Variants in MNAT1 observed in about 807,000 individuals in gnomAD.
MNAT1 encodes CDK-activating kinase assembly factor MAT1.
MNAT1 carries 43 observed loss-of-function variants against 42.0 expected under a neutral mutation model. The ratio of observed to expected loss-of-function variants is 1.02; its 90% CI spans 0.80 to 1.32. The LOEUF is 1.32. Among genes scored for constraint, MNAT1 ranks in the 40% most tolerant of loss-of-function variants. The pLI, the probability that MNAT1 is intolerant of heterozygous loss-of-function variation, is 0.00. For missense variants in MNAT1, 306 were observed against 350.4 expected (o/e 0.87, Z 1.01); for synonymous variants, 118 against 120.0 (o/e 0.98, Z 0.11).
intron 6 of MNAT1, among the ~76,000 whole-genome samples, chr14:60,877,609 A>G (rs1371765075): frequency 1.3e-5 from 2 of 152,114 alleles, no homozygotes; most frequent in African/African-American, 4.8e-5. Flanking sequence ...AGAATGGTTT[A>G]TAAAAAGTTA....
At chr14:60,804,268 A>G (rs1224285217) in intron 3 of MNAT1, among the ~76,000 whole-genome samples, 2 of 152,206 alleles carry the variant, frequency 1.3e-5, no homozygotes, top group Admixed American at 6.5e-5. Flanking sequence ...ATAGCAAATT[A>G]GCTTCTATTC....
Position 60,902,331 on chromosome 14 carries a change from A to G in MNAT1, c.809+22496A>G, listed in dbSNP as rs117107388. The stretch of plus-strand genomic sequence containing the variant: ...CAAATTGATGGTCCTATTTATACCC[A>G]AGGACTGAGAATTATGCAAGGAATG... On this transcript the variant is annotated intron_variant, in intron 7 of 7. Transcript: ENST00000261245. Among the ~76,000 whole-genome samples, 698 of 152,290 alleles carry G rather than the reference A, an allele frequency of 4.6e-3. 18 individuals are homozygous for G. In the East Asian group the frequency reaches 0.089, roughly 20 times the overall value.
At chr14:60,955,264 A>G (rs1369222671) in intron 7 of MNAT1, among the ~76,000 whole-genome samples, 1 of 152,164 alleles carries the variant, frequency 6.6e-6, no homozygotes, top group Non-Finnish European at 1.5e-5. Context: ...GTTTTTAGAA[A>G]AATTTGAAGA....
chr14:60,839,675 T>C (rs1286325519), intron 6 of MNAT1, among the ~76,000 whole-genome samples: 1 of 152,250 alleles, frequency 6.6e-6, no homozygotes, highest in African/African-American at 2.4e-5. Flanking sequence ...TTTGGGGCTC[T>C]GTGGTTTCTG....
At chr14:60,741,159 C>A (rs1189487536) in intron 1 of MNAT1, among the ~76,000 whole-genome samples, 2 of 152,120 alleles carry the variant, frequency 1.3e-5, no homozygotes, top group African/African-American at 4.8e-5. Context: ...AATAATTTGG[C>A]ACTGTCAGAT....
intron 6 of MNAT1, among the ~76,000 whole-genome samples, chr14:60,869,117 C>T (rs1025040810): frequency 1.7e-4 from 25 of 146,852 alleles, no homozygotes; most frequent in Non-Finnish European, 3.3e-4. Flanking sequence ...CGGCTCACTG[C>T]AACCTCCACC....
chr14:60,767,851 G>A (rs1429336987), intron 1 of MNAT1, among the ~76,000 whole-genome samples: 2 of 151,942 alleles, frequency 1.3e-5, no homozygotes, highest in Admixed American at 6.6e-5. Flanking sequence ...TGCAACCTCC[G>A]CTCCCTGGTT....
intron 6 of MNAT1, among the ~76,000 whole-genome samples, chr14:60,846,616 G>T (rs959788023): frequency 2.0e-5 from 3 of 151,978 alleles, no homozygotes; most frequent in African/African-American, 7.3e-5. Context: ...TCATACAATT[G>T]GATACATTTT....
At chr14:60,863,309 A>C (rs555580777) in intron 6 of MNAT1, among the ~76,000 whole-genome samples, 1 of 152,110 alleles carries the variant, frequency 6.6e-6, no homozygotes, top group Non-Finnish European at 1.5e-5. Context: ...GCTGTACTTC[A>C]TGACTCTTTT....
chr14:60,818,989 G>A, intron 6 of MNAT1, 142 bp downstream of exon 6: 3 of 855,304 alleles, frequency 3.5e-6, no homozygotes, highest in Non-Finnish European at 5.1e-6. Context: ...CTGGAAATAT[G>A]GATGGGTGCA....
At chr14:60,888,624 A>C (rs1055572793) in intron 7 of MNAT1, among the ~76,000 whole-genome samples, 2 of 150,860 alleles carry the variant, frequency 1.3e-5, no homozygotes, top group Non-Finnish European at 2.9e-5. Flanking sequence ...AAGGAAATAA[A>C]GGGCATTCAA....
At chr14:60,866,600 G>A (rs114958640) in intron 6 of MNAT1, among the ~76,000 whole-genome samples, 1 of 151,898 alleles carries the variant, frequency 6.6e-6, no homozygotes, top group African/African-American at 2.4e-5. Context: ...TATGTTTTGT[G>A]TTCTCCTGTA....
chr14:60,885,514 T>C (rs781345489), intron 7 of MNAT1, among the ~76,000 whole-genome samples: 2 of 152,068 alleles, frequency 1.3e-5, no homozygotes, highest in Non-Finnish European at 2.9e-5. Context: ...TTAGTGATGT[T>C]GAGCAGCTTT....
At chr14:60,834,983 T>A (rs866067612) in intron 6 of MNAT1, among the ~76,000 whole-genome samples, 1 of 109,406 alleles carries the variant, frequency 9.1e-6, no homozygotes, top group Non-Finnish European at 2.0e-5. Context: ...CTTCCTACCT[T>A]GCTCCCGCCC....
At chr14:60,908,026 C>T (rs1467124604) in intron 7 of MNAT1, among the ~76,000 whole-genome samples, 1 of 152,060 alleles carries the variant, frequency 6.6e-6, no homozygotes, top group Non-Finnish European at 1.5e-5. Context: ...ATTGATGAAT[C>T]TAACTATAAC....
chr14:60,950,143 T>G (rs879504947), intron 7 of MNAT1, among the ~76,000 whole-genome samples: 1 of 152,162 alleles, frequency 6.6e-6, no homozygotes, highest in Non-Finnish European at 1.5e-5. Context: ...AAATAAAGCT[T>G]TTGAGGGGAA....
At chr14:60,879,903 A>T in intron 7 of MNAT1, 68 bp downstream of exon 7, 1 of 1,511,446 alleles carries the variant, frequency 6.6e-7, no homozygotes, top group Non-Finnish European at 9.0e-7. Context: ...CTTAACTGAC[A>T]TGTTAACATT....
chr14:60,846,146 C>A (rs913313557), intron 6 of MNAT1, among the ~76,000 whole-genome samples: 4 of 151,850 alleles, frequency 2.6e-5, no homozygotes, highest in African/African-American at 9.7e-5. Flanking sequence ...CCCTTGCCTC[C>A]CCTTCCCCAT....
chr14:60,840,535 G>A (rs1035928666), intron 6 of MNAT1, among the ~76,000 whole-genome samples: 3 of 152,182 alleles, frequency 2.0e-5, no homozygotes, highest in Non-Finnish European at 4.4e-5. Flanking sequence ...TGGTGTAAAT[G>A]CAGAGATGGA....
Sources: allele counts gnomAD v4.1 joint callset (sites outside exome capture counted in the v4.1 genomes callset), GRCh38; gene constraint gnomAD v4.1.1; transcripts MANE v1.5; gene names NCBI Gene and HGNC (gene_info 2026-07-23, HGNC 2026-07-21).